The following EHMT1 variants were observed in gnomAD, a reference collection of about 807,000 sequenced individuals.
EHMT1 encodes euchromatic histone lysine methyltransferase 1, also known as histone-lysine N-methyltransferase EHMT1.
Under a neutral mutation model 147.2 loss-of-function variants are expected in EHMT1, and 15 were observed. The ratio of observed to expected loss-of-function variants is 0.10; its 90% CI spans 0.07 to 0.16. The LOEUF is 0.16. EHMT1 is among the 10% of genes least tolerant of loss of function. EHMT1 has a pLI of 1.00. For synonymous variants in EHMT1, 795 were observed against 709.6 expected, an observed-to-expected ratio of 1.12 and a Z score of -1.91; for missense variants, 1,587 against 1,772.4, an observed-to-expected ratio of 0.90 and a Z score of 1.88.
intron 16 of EHMT1, chr9:137,792,304 T>C: frequency 3.1e-6 from 1 of 320,742 alleles, no homozygotes; most frequent in Non-Finnish European, 6.3e-6. Flanking sequence ...ACAAAGACCA[T>C]TCAATGGGGA....
At chr9:137,814,971 C>G (rs1181407291) in intron 22 of EHMT1, 3 of 269,604 alleles carry the variant, frequency 1.1e-5, no homozygotes, top group African/African-American at 6.6e-5. Context: ...CTCGGAGGAG[C>G]CCAGGTTGGA....
chr9:137,657,632 G>A (rs1938606929), intron 1 of EHMT1, among the ~76,000 whole-genome samples: 1 of 152,012 alleles, frequency 6.6e-6, no homozygotes, highest in Admixed American at 6.6e-5. Flanking sequence ...GGTAACTGGG[G>A]TGTCCATCAC....
chr9:137,634,868 A>AT (rs781056803), intron 1 of EHMT1, among the ~76,000 whole-genome samples: 5,287 of 91,908 alleles, frequency 0.058, 112 homozygotes, highest in African/African-American at 0.082. Flanking sequence ...TGCCCAGCTA[A>AT]TTTTTTTTTT....
Position 137,828,723 on chromosome 9 carries a change from G to A in EHMT1, c.3541-5626G>A, listed in dbSNP as rs1310666749. ...CGCACTGCACTAGAGCATCTCTAAGGCCGGTGGTTCTGGACAGAAAAACCA... is the reference window on the plus strand; with the variant it reads ...CGCACTGCACTAGAGCATCTCTAAGACCGGTGGTTCTGGACAGAAAAACCA... On this transcript the variant is annotated intron_variant, in intron 25 of 26. Coordinates refer to ENST00000460843, the MANE Select transcript of EHMT1 (RefSeq NM_024757.5). This position sits in a 1 kb window ranked among gnomAD's most constrained non-coding sequence, Gnocchi z 5.3. Among the ~76,000 whole-genome samples, 2 of 152,152 alleles carry A rather than the reference G, an allele frequency of 1.3e-5. No homozygotes were observed. The highest frequency in any genetic ancestry group is 3.9e-4 in the East Asian group (2 of 5,186).
rs75594738 is a variant in EHMT1, at chr9:137,819,882, G to A, written c.3540+1744G>A. Among the ~76,000 whole-genome samples, 909 of 152,212 alleles carry A rather than the reference G, an allele frequency of 6.0e-3. 54 individuals carry two copies. The East Asian group carries it at 0.13, about 22-fold the overall frequency. On this transcript the variant is annotated intron_variant, in intron 25 of 26. Transcript: ENST00000460843. Reference sequence around the variant, plus strand: ...GTTTTGGGAGCTTTCTGAGGCTAGGGCAGTGGTGATTGACCCATCCCAGCC... The same window carrying A: ...GTTTTGGGAGCTTTCTGAGGCTAGGACAGTGGTGATTGACCCATCCCAGCC...
intron 1 of EHMT1, among the ~76,000 whole-genome samples, chr9:137,632,688 G>A (rs1189137711): frequency 6.6e-6 from 1 of 152,160 alleles, no homozygotes; most frequent in Non-Finnish European, 1.5e-5. Context: ...ACAGGCGTGA[G>A]CCACTGTGCC....
chr9:137,678,452 C>T (rs1941601731), intron 1 of EHMT1, among the ~76,000 whole-genome samples: 2 of 152,080 alleles, frequency 1.3e-5, no homozygotes, highest in African/African-American at 2.4e-5. Context: ...TGCTTTTTCT[C>T]CCTCCGTTGT....
At chr9:137,690,332 T>A (rs1369474766) in intron 1 of EHMT1, among the ~76,000 whole-genome samples, 3 of 152,106 alleles carry the variant, frequency 2.0e-5, no homozygotes, top group Non-Finnish European at 4.4e-5. Flanking sequence ...ATCAACTTTA[T>A]GAGCTGTTGC....
intron 7 of EHMT1, among the ~76,000 whole-genome samples, chr9:137,752,658 G>A (rs753035963): frequency 3.1e-4 from 47 of 152,226 alleles, no homozygotes; most frequent in Non-Finnish European, 5.9e-4. Context: ...GGGTGGGGTG[G>A]AGTTGAGTGG....
chr9:137,658,392 C>A (rs1211705760), intron 1 of EHMT1, among the ~76,000 whole-genome samples: 1 of 152,042 alleles, frequency 6.6e-6, no homozygotes, highest in East Asian at 1.9e-4. Context: ...CTCAAGTGGT[C>A]CACCTGCCTC....
At chr9:137,794,827 G>A (rs1031697791) in intron 16 of EHMT1, among the ~76,000 whole-genome samples, 9 of 152,104 alleles carry the variant, frequency 5.9e-5, no homozygotes, top group Admixed American at 1.3e-4. Context: ...ACCCTTCAGC[G>A]AATGATGGTG....
intron 15 of EHMT1, 75 bp from the exon 16 acceptor site, chr9:137,790,773 G>A: frequency 6.2e-7 from 1 of 1,610,182 alleles, no homozygotes; most frequent in South Asian, 1.1e-5. Flanking sequence ...GAGTGTGGAA[G>A]CTTGTAAGTC....
At chr9:137,725,450 C>T (rs772985222) in intron 3 of EHMT1, among the ~76,000 whole-genome samples, 5 of 152,130 alleles carry the variant, frequency 3.3e-5, no homozygotes, top group African/African-American at 9.7e-5. Context: ...AAGGGCATCC[C>T]AGAGGTGGAG....
intron 1 of EHMT1, among the ~76,000 whole-genome samples, chr9:137,643,068 A>G (rs1844609396): frequency 6.6e-6 from 1 of 151,516 alleles, no homozygotes; most frequent in Non-Finnish European, 1.5e-5. Context: ...TTTTTTGTAG[A>G]GATGGGGTCT....
rs1393445160 is a variant in EHMT1, at chr9:137,834,935, T to TGCCGCCGACCCCCTATGAGAC, written c.3887_*10dup. On this transcript the variant is annotated stop_gained and inframe_insertion, in exon 27 of 27. Transcript: ENST00000460843. LOFTEE classifies it high-confidence loss of function. ...GCTTGCCCGACACCAGCTCCGCGGC[T>TGCCGCCGACCCCCTATGAGAC]GCCGCCGACCCCCTATGAGACGCCG... The TGCCGCCGACCCCCTATGAGAC allele has an allele frequency of 6.6e-7, 1 of 1,525,768 alleles. No individual in the cohort carries two copies. The highest frequency in any genetic ancestry group is 2.1e-5 in the Admixed American group (1 of 46,818). 94.5% of individuals were successfully genotyped at this position (1,525,768 alleles called of 1,614,324 possible).
At chr9:137,832,834 C>T (rs1195991668) in intron 25 of EHMT1, 2 of 152,348 alleles carry the variant, frequency 1.3e-5, no homozygotes, top group Non-Finnish European at 1.5e-5. Flanking sequence ...TTATCAAGAC[C>T]TTCGTGTGTG....
chr9:137,835,017 G>A lies in EHMT1; in HGVS notation c.*64G>A, dbSNP rs1019313355. ...CGCCGCGTCGCCGATTAGAGGACGAGGAGGAGAGATTCCGCACGCAACCGA... is the reference window on the plus strand; with the variant it reads ...CGCCGCGTCGCCGATTAGAGGACGAAGAGGAGAGATTCCGCACGCAACCGA... On this transcript the variant is annotated 3_prime_UTR_variant, in exon 27 of 27. Coordinates refer to ENST00000460843, the MANE Select transcript of EHMT1 (RefSeq NM_024757.5). 4 of 1,353,872 alleles carry A rather than the reference G, an allele frequency of 3.0e-6. No homozygotes were observed. Among genetic ancestry groups the A allele is most frequent in the South Asian group, 1.7e-5 (1 of 58,216 alleles). 83.9% of individuals were successfully genotyped at this position (1,353,872 alleles called of 1,614,324 possible).
intron 4 of EHMT1, 122 bp downstream of exon 4, chr9:137,728,651 G>T: frequency 7.3e-7 from 1 of 1,369,336 alleles, no homozygotes; most frequent in Non-Finnish European, 1.0e-6. Flanking sequence ...GACTGTTGAC[G>T]TCAGCTGGCC....
chr9:137,663,750 A>T (rs892727296), intron 1 of EHMT1, among the ~76,000 whole-genome samples: 4 of 152,060 alleles, frequency 2.6e-5, no homozygotes, highest in African/African-American at 9.7e-5. Flanking sequence ...GGGCTTTTGG[A>T]TATTCCCTTG....
Sources: gnomAD v4.1 joint callset for allele counts (sites outside exome capture counted in the v4.1 genomes callset) on GRCh38, gnomAD v4.1.1 for gene constraint, Gnocchi (gnomAD v3.1) non-coding constraint, MANE v1.5 for transcripts, NCBI Gene and HGNC (gene_info 2026-07-23, HGNC 2026-07-21) for gene names.